The following NUP155 variants were observed in gnomAD, a reference collection of about 807,000 sequenced individuals.
The protein encoded by NUP155 is nuclear pore complex protein Nup155.
Under a neutral mutation model 180.4 loss-of-function variants are expected in NUP155, and 71 were observed. The ratio of observed to expected loss-of-function variants is 0.39; its 90% confidence interval spans 0.33 to 0.48. The LOEUF (loss-of-function observed/expected upper bound fraction) is 0.48. Among genes scored for constraint, NUP155 ranks in the 20% least tolerant of loss-of-function variants. The pLI is 0.91. For missense variants in NUP155, 1,553 were observed against 1,648.9 expected (o/e 0.94, Z 1.01); for synonymous variants, 582 against 559.5 (o/e 1.04, Z -0.57).
intron 13 of NUP155, among the ~76,000 whole-genome samples, chr5:37,333,056 A>C (rs1408103445): frequency 6.6e-6 from 1 of 152,200 alleles, no homozygotes; most frequent in Non-Finnish European, 1.5e-5. Flanking sequence ...AAACAAAGTC[A>C]AATAAGAAAC....
Position 37,309,266 on chromosome 5 carries a change from GCC to G in NUP155, c.2629-1_2629del. On this transcript the variant is annotated splice_acceptor_variant and coding_sequence_variant, in exon 24 of 35. Transcript: ENST00000231498. LOFTEE classifies it high-confidence loss of function. ...TCGGGAACGCTGGAGAAGCTCATTT[GCC>G]TAGAAGAGGAGATAACAAGAACTTA... is the stretch of plus-strand genomic sequence containing the variant. 6.3e-7 allele frequency: 1 copy of G among 1,598,534 alleles called. No homozygotes were observed. Among genetic ancestry groups the G allele is most frequent in the Non-Finnish European group, 8.5e-7 (1 of 1,171,956 alleles).
At chr5:37,314,350 T>A in intron 21 of NUP155, 22 bp from the exon 22 acceptor site, 1 of 1,545,518 alleles carries the variant, frequency 6.5e-7, no homozygotes, top group Non-Finnish European at 8.9e-7. Context: ...ACAAAATAAA[T>A]TATTATAAAA....
At chr5:37,297,173 T>C (rs778902672) in intron 32 of NUP155, among the ~76,000 whole-genome samples, 25 of 151,786 alleles carry the variant, frequency 1.6e-4, no homozygotes, top group Non-Finnish European at 3.1e-4. Flanking sequence ...AGGCACGTGC[T>C]ACCATGCCTA....
At chr5:37,297,746 A>G (rs567710867) in intron 32 of NUP155, among the ~76,000 whole-genome samples, 15 of 152,272 alleles carry the variant, frequency 9.9e-5, no homozygotes, top group African/African-American at 3.1e-4. Flanking sequence ...ACATTTATAT[A>G]AAGTATGTAT....
rs544670891 is a variant in NUP155 at position 37,289,889 on chromosome 5, T to C, written c.*2011A>G. ...TTATAAAACGAATTAATGTATCGCA[T>C]ACATTCACTTTACATATTCAAAAAA... On this transcript the variant is annotated 3_prime_UTR_variant, in exon 35 of 35. Coordinates refer to ENST00000231498, the MANE Select transcript of NUP155 (RefSeq NM_153485.3). 1.3e-5 allele frequency: 2 copies of C among 152,194 alleles called. No homozygotes were observed. Among genetic ancestry groups the C allele is most frequent in the Non-Finnish European group, 2.9e-5 (2 of 68,042 alleles). The allele number at this position is 152,194 out of a possible 1,614,324, so 9.4% of individuals were successfully genotyped here.
rs141489401 is a variant in NUP155 at position 37,347,170 on chromosome 5, G to A, written c.995+1335C>T. The stretch of plus-strand genomic sequence containing the variant: ...TTAAGCCCAGGAGGTGGTGATTGCA[G>A]CAAGCTGAGATGGAGCCACTGCACT... On this transcript the variant is annotated intron_variant, in intron 9 of 34. Coordinates refer to ENST00000231498, the MANE Select transcript of NUP155 (RefSeq NM_153485.3). Among the ~76,000 whole-genome samples the A allele has an allele frequency of 9.2e-3, 1,400 of 152,194 alleles. 26 individuals carry two copies. The highest frequency in any genetic ancestry group is 0.032 in the African/African-American group (1,346 of 41,546).
At chr5:37,350,647 C>T (rs1472011681) in intron 6 of NUP155, among the ~76,000 whole-genome samples, 3 of 151,592 alleles carry the variant, frequency 2.0e-5, no homozygotes, top group African/African-American at 7.3e-5. Flanking sequence ...CTAATAAAAA[C>T]ACAAAAATTA....
At chr5:37,297,774 T>C (rs1013477212) in intron 32 of NUP155, among the ~76,000 whole-genome samples, 2 of 152,116 alleles carry the variant, frequency 1.3e-5, no homozygotes, top group Admixed American at 6.6e-5. Context: ...TTTATTTCTC[T>C]TTATTTTTAG....
At chr5:37,365,738 A>AAAATAAAT (rs1561818758) in intron 1 of NUP155, among the ~76,000 whole-genome samples, 1 of 37,132 alleles carries the variant, frequency 2.7e-5, no homozygotes, top group Non-Finnish European at 4.6e-5. Flanking sequence ...AAAAAAAAAA[A>AAAATAAAT]ATATATATAT....
chr5:37,317,837 G>C, intron 21 of NUP155, 151 bp downstream of exon 21: 1 of 637,250 alleles, frequency 1.6e-6, no homozygotes, highest in Admixed American at 2.2e-5. Context: ...ACAGGTGTGA[G>C]CCACCACCCC....
At chr5:37,333,366 A>T in intron 13 of NUP155, 97 bp downstream of exon 13, 1 of 1,137,564 alleles carries the variant, frequency 8.8e-7, no homozygotes. Flanking sequence ...AAAAAAAAGA[A>T]AGAAAATTAT....
At chr5:37,296,126 C>A (rs1170129416) in intron 32 of NUP155, among the ~76,000 whole-genome samples, 4 of 151,238 alleles carry the variant, frequency 2.6e-5, no homozygotes, top group South Asian at 2.1e-4. Context: ...GCCGCCCCTA[C>A]TGGGAAGTGA....
rs1369373259 is a variant in NUP155 at position 37,298,944 on chromosome 5, A to C, written c.3717T>G (p.Asp1239Glu). 5 of 1,612,782 alleles carry C rather than the reference A, an allele frequency of 3.1e-6. No homozygotes were observed. Among genetic ancestry groups the C allele is most frequent in the African/African-American group, 1.3e-5 (1 of 74,900 alleles). Residue 1239 changes from aspartate (D) to glutamate (E), a missense_variant, in exon 32 of 35, where the codon GAT becomes GAG. Transcript: ENST00000231498. ...LSDSVTLSSS[D>E]RMHALSLKIV... ...TCTTGAGACTAAGAGCATGCATTCT[A>C]TCCGAGGAGCTCAATGTCACACTGT...
At position 37,323,950 on chromosome 5, in the gene NUP155, C is replaced by A. The variant is rs377630261; in HGVS notation, c.2207+42G>T. 3 of 1,366,298 alleles carry A rather than the reference C, an allele frequency of 2.2e-6. No homozygotes were observed. In the African/African-American group the frequency reaches 4.3e-5, roughly 20 times the overall value. 84.6% of individuals were successfully genotyped at this position (1,366,298 alleles called of 1,614,324 possible). A position where few individuals can be genotyped will look rare whatever the true frequency, so the allele number is the denominator to read the frequency against. On this transcript the variant is annotated intron_variant, in intron 20 of 34. Transcript: ENST00000231498. ...TAAATCATCTCAACAAAAAATACAA[C>A]GAAAAGAAAAAGATGAATTAATAAA...
intron 23 of NUP155, 39 bp downstream of exon 23, chr5:37,310,513 C>T: frequency 6.5e-7 from 1 of 1,532,634 alleles, no homozygotes; most frequent in Non-Finnish European, 9.0e-7. Flanking sequence ...CATGATACCT[C>T]TTATAACAAA....
Position 37,309,107 on chromosome 5 carries a change from C to T in NUP155, c.2767+22G>A, listed in dbSNP as rs1322738301. On this transcript the variant is annotated intron_variant, in intron 24 of 34. Transcript: ENST00000231498. Reference sequence around the variant, plus strand: ...TGTCTTTTGAGTTGAGTAAAAGATACAAGAAACATTTTATTTCTCACCTTG... The same window carrying T: ...TGTCTTTTGAGTTGAGTAAAAGATATAAGAAACATTTTATTTCTCACCTTG... The T allele has an allele frequency of 3.7e-6, 6 of 1,610,408 alleles. No individual in the cohort carries two copies. In the African/African-American group the frequency reaches 6.7e-5, roughly 18 times the overall value.
chr5:37,314,438 C>T (rs575194630), intron 21 of NUP155, 110 bp from the exon 22 acceptor site: 4 of 756,832 alleles, frequency 5.3e-6, no homozygotes, highest in Non-Finnish European at 8.9e-6. Context: ...TTCCTAGCCC[C>T]CATTACAGGC....
chr5:37,294,503 A>C, intron 32 of NUP155, 38 bp from the exon 33 acceptor site: 1 of 1,588,258 alleles, frequency 6.3e-7, no homozygotes, highest in Non-Finnish European at 8.6e-7. Flanking sequence ...TTGGATTTTT[A>C]GCTCTTGATA....
At position 37,348,604 on chromosome 5, in the gene NUP155, T is replaced by C; in HGVS notation, c.904-8A>G. On this transcript the variant is annotated splice_polypyrimidine_tract_variant and splice_region_variant and intron_variant, in intron 8 of 34. Coordinates refer to ENST00000231498, the MANE Select transcript of NUP155 (RefSeq NM_153485.3). ...TTGTCCCAAATCATACACCTGTGAA[T>C]ACAAAATCATTCTCACTTAAACATG... 5.2e-6 allele frequency: 8 copies of C among 1,528,382 alleles called. No homozygotes were observed. The highest frequency in any genetic ancestry group is 7.3e-6 in the Non-Finnish European group (8 of 1,101,810). The allele number at this position is 1,528,382 out of a possible 1,614,324, so 94.7% of individuals were successfully genotyped here. A position where few individuals can be genotyped will look rare whatever the true frequency, so the allele number is the denominator to read the frequency against.
Sources: allele counts gnomAD v4.1 joint callset (sites outside exome capture counted in the v4.1 genomes callset), GRCh38; gene constraint gnomAD v4.1.1; transcripts MANE v1.5; gene names NCBI Gene and HGNC (gene_info 2026-07-23, HGNC 2026-07-21).